Variants in GALNT13 observed in about 807,000 individuals in gnomAD.
GALNT13 encodes polypeptide N-acetylgalactosaminyltransferase 13, also known as UDP-GalNAc:polypeptide N-acetylgalactosaminyltransferase 13.
In GALNT13, 28 loss-of-function variants were observed where a neutral mutation model predicts 64.2. The ratio of observed to expected loss-of-function variants is 0.44; its 90% confidence interval spans 0.32 to 0.60. The LOEUF (loss-of-function observed/expected upper bound fraction) is 0.60, where lower values mean the gene tolerates loss of function less well. GALNT13 is among the 20% of genes least tolerant of loss of function. The pLI, the probability that GALNT13 is intolerant of heterozygous loss-of-function variation, is 0.05. For missense variants in GALNT13, 577 were observed against 669.8 expected (o/e 0.86, Z 1.53); for synonymous variants, 214 against 224.6 (o/e 0.95, Z 0.42).
At chr2:153,917,453 A>T (rs1184408708) in intron 2 of GALNT13, among the ~76,000 whole-genome samples, 1 of 152,056 alleles carries the variant, frequency 6.6e-6, no homozygotes, top group Non-Finnish European at 1.5e-5. Context: ...TTTTGACTTT[A>T]TGATAATATA....
At chr2:153,592,613 G>T in the GALNT13 span, among the ~76,000 whole-genome samples, 1 of 152,284 alleles carries the variant, frequency 6.6e-6, no homozygotes, top group East Asian at 1.9e-4. Context: ...AATATCCTAT[G>T]TTCTCACTCA....
the GALNT13 span, among the ~76,000 whole-genome samples, chr2:153,599,758 A>T: frequency 2.6e-5 from 4 of 152,000 alleles, no homozygotes; most frequent in Non-Finnish European, 5.9e-5. Flanking sequence ...CATTATTGTG[A>T]TTCTGTTGTT....
the GALNT13 span, among the ~76,000 whole-genome samples, chr2:153,781,699 TA>T: frequency 0.012 from 1,831 of 149,216 alleles, 25 homozygotes; most frequent in Non-Finnish European, 0.021. Flanking sequence ...TCTTTGAGTT[TA>T]AAAAAAAAAC....
At chr2:153,354,666 C>T in the GALNT13 span, among the ~76,000 whole-genome samples, 1 of 152,154 alleles carries the variant, frequency 6.6e-6, no homozygotes, top group Non-Finnish European at 1.5e-5. Flanking sequence ...AGCTTGTTTA[C>T]CATCTCCCTG....
chr2:154,115,200 A>G (rs1424344905), intron 3 of GALNT13, among the ~76,000 whole-genome samples: 2 of 152,208 alleles, frequency 1.3e-5, no homozygotes, highest in African/African-American at 2.4e-5. Flanking sequence ...AAGGGAGATC[A>G]GACATTTTCA....
Position 154,445,810 on chromosome 2 carries a change from A to G in GALNT13, c.1531-4601A>G, listed in dbSNP as rs1467138987. 2.3e-6 allele frequency: 3 copies of G among 1,288,216 alleles called. No homozygotes were observed. The African/African-American group carries it at 4.6e-5, about 20-fold the overall frequency. The allele number at this position is 1,288,216 out of a possible 1,614,324, so 79.8% of individuals were successfully genotyped here. A position where few individuals can be genotyped will look rare whatever the true frequency, so the allele number is the denominator to read the frequency against. On this transcript the variant is annotated intron_variant, in intron 12 of 12. Coordinates refer to ENST00000392825, the MANE Select transcript of GALNT13 (RefSeq NM_052917.4). ...AGTGTTTGAATCAACAGACTTACTTAGTGTCTCCCAAGGGCAGGCACGGAG... is the reference window on the plus strand; with the variant it reads ...AGTGTTTGAATCAACAGACTTACTTGGTGTCTCCCAAGGGCAGGCACGGAG...
chr2:154,386,261 A>G (rs912602367), intron 9 of GALNT13, among the ~76,000 whole-genome samples: 1 of 152,050 alleles, frequency 6.6e-6, no homozygotes, highest in African/African-American at 2.4e-5. Context: ...GGGTTTATAT[A>G]GCAGGGGAAA....
intron 3 of GALNT13, among the ~76,000 whole-genome samples, chr2:153,992,062 A>G (rs557307720): frequency 6.6e-6 from 1 of 152,204 alleles, no homozygotes; most frequent in South Asian, 2.1e-4. Context: ...GGGGAAATAA[A>G]CCTTTCAGGG....
the GALNT13 span, among the ~76,000 whole-genome samples, chr2:153,628,830 G>A: frequency 6.6e-6 from 1 of 152,064 alleles, no homozygotes; most frequent in Non-Finnish European, 1.5e-5. Context: ...GTCTCTGCCT[G>A]GCTTTGGTAT....
chr2:153,950,913 T>G (rs917205261), intron 3 of GALNT13, among the ~76,000 whole-genome samples: 2 of 151,872 alleles, frequency 1.3e-5, no homozygotes, highest in African/African-American at 4.8e-5. Context: ...GTACCCCGAA[T>G]CTAAAATAAA....
the GALNT13 span, among the ~76,000 whole-genome samples, chr2:153,852,229 G>C: frequency 4.6e-5 from 7 of 152,254 alleles, 1 homozygote; most frequent in South Asian, 8.3e-4. Context: ...TAAAGGCAGA[G>C]ATTGCCACAT....
chr2:153,647,338 T>G, the GALNT13 span, among the ~76,000 whole-genome samples: 7 of 152,330 alleles, frequency 4.6e-5, no homozygotes, highest in South Asian at 6.2e-4. Context: ...TAAATTTGTT[T>G]GAGTTCATTG....
the GALNT13 span, among the ~76,000 whole-genome samples, chr2:153,348,595 A>C: frequency 6.6e-6 from 1 of 152,194 alleles, no homozygotes; most frequent in African/African-American, 2.4e-5. Flanking sequence ...GGTATAGAAA[A>C]TTGTTGATAG....
the GALNT13 span, among the ~76,000 whole-genome samples, chr2:153,499,961 C>T: frequency 2.0e-5 from 3 of 152,116 alleles, no homozygotes; most frequent in Non-Finnish European, 4.4e-5. Context: ...GGGGCCAGCT[C>T]TCCCGCCTGC....
At chr2:154,355,327 C>T (rs1328346485) in intron 9 of GALNT13, among the ~76,000 whole-genome samples, 1 of 152,124 alleles carries the variant, frequency 6.6e-6, no homozygotes, top group Non-Finnish European at 1.5e-5. Context: ...AACCACATGA[C>T]ATGGCTGATA....
chr2:153,306,647 A>G, the GALNT13 span, among the ~76,000 whole-genome samples: 2 of 152,230 alleles, frequency 1.3e-5, no homozygotes, highest in African/African-American at 4.8e-5. Flanking sequence ...CCTATACCCT[A>G]TATGCGATTT....
chr2:153,231,004 A>AT, the GALNT13 span, among the ~76,000 whole-genome samples: 1 of 152,056 alleles, frequency 6.6e-6, no homozygotes, highest in Non-Finnish European at 1.5e-5. Context: ...GCTTTTCTTG[A>AT]TTGTCTTAAC....
chr2:154,445,393 A>G (rs1701516471), intron 12 of GALNT13, among the ~76,000 whole-genome samples: 2 of 151,970 alleles, frequency 1.3e-5, no homozygotes. Context: ...CATCATTTAC[A>G]CTAATATCTT....
intron 1 of GALNT13, among the ~76,000 whole-genome samples, chr2:153,892,564 CAAAATT>C (rs1687622542): frequency 1.3e-5 from 2 of 151,918 alleles, no homozygotes; most frequent in African/African-American, 4.8e-5. Flanking sequence ...AACAAAAAGA[CAAAATT>C]AATATCTAAG....
Sources: allele counts gnomAD v4.1 joint callset (sites outside exome capture counted in the v4.1 genomes callset), GRCh38; gene constraint gnomAD v4.1.1; transcripts MANE v1.5; gene names NCBI Gene and HGNC (gene_info 2026-07-23, HGNC 2026-07-21).